Variants in BOC observed in about 807,000 individuals in gnomAD.
BOC encodes the protein BOC cell adhesion associated, oncogene regulated.
A neutral mutation model predicts 112.0 loss-of-function variants in BOC; 76 were observed. That is an observed-to-expected ratio of 0.68 (90% CI 0.56 to 0.82). The LOEUF is 0.82. Ranked by LOEUF, BOC falls within the 40% of genes least tolerant of loss-of-function variation. The pLI is 0.00. For missense variants in BOC, 1,309 were observed against 1,511.7 expected, an observed-to-expected ratio of 0.87 and a Z score of 2.22; for synonymous variants, 580 against 599.8, an observed-to-expected ratio of 0.97 and a Z score of 0.48.
At position 113,279,411 on chromosome 3, in the gene BOC, T is replaced by TC. The variant is rs758893355; in HGVS notation, c.1985dup (p.Ser663IlefsTer65). 12 of 1,614,016 alleles carry TC rather than the reference T, an allele frequency of 7.4e-6. No homozygotes were observed. The highest frequency in any genetic ancestry group is 1.0e-5 in the Non-Finnish European group (12 of 1,179,964). ...GACTGGATTCTGGCCACCAGCGCCATCCCCCCATCGCGGCTGTCCGTGGAG... is the reference window on the plus strand; with the variant it reads ...GACTGGATTCTGGCCACCAGCGCCATCCCCCCCATCGCGGCTGTCCGTGGAG... On this transcript the variant is annotated frameshift_variant, in exon 12 of 20. Coordinates refer to ENST00000682979, the MANE Select transcript of BOC (RefSeq NM_001378074.1). LOFTEE classifies it high-confidence loss of function.
intron 4 of BOC, among the ~76,000 whole-genome samples, chr3:113,262,620 C>T (rs2107559030): frequency 6.6e-6 from 1 of 152,340 alleles, no homozygotes; most frequent in South Asian, 2.1e-4. Flanking sequence ...TCACCAGGTG[C>T]CAGGCTTTCT....
rs372622221 is a variant in BOC, at chr3:113,279,859, A to T, written c.2059A>T (p.Met687Leu). The change falls in exon 13 of 20, where the codon ATG becomes TTG. Residue 687 changes from methionine to leucine, a missense_variant. Transcript: ENST00000682979. ...SYKFRVRALNMLGESEPSAPS... is the reference protein window; with the variant it reads ...SYKFRVRALNLLGESEPSAPS... ...CAAGTTTCGAGTCCGGGCTCTGAAC[A>T]TGCTGGGGGAGAGCGAGCCCAGCGC... 1.7e-5 allele frequency: 27 copies of T among 1,611,854 alleles called. No individual in the cohort carries two copies. In the East Asian group the frequency reaches 2.7e-4, roughly 16 times the overall value.
At chr3:113,244,540 C>T (rs1345000815) in intron 2 of BOC, among the ~76,000 whole-genome samples, 2 of 152,154 alleles carry the variant, frequency 1.3e-5, no homozygotes, top group Non-Finnish European at 2.9e-5. Context: ...CAACCACTAG[C>T]TCTGTATGGT....
rs201118269 is a variant in BOC, at chr3:113,225,285, AC to A, written c.-82+9012del. 8.0e-3 allele frequency among the ~76,000 whole-genome samples: 1,209 copies of A among 151,660 alleles called. 19 individuals are homozygous for A. Among genetic ancestry groups the A allele is most frequent in the African/African-American group, 0.028 (1,144 of 41,318 alleles). ...CAAGACCTTGTCAAAAAAAAAAACAACAAAAAAAAACCCCAACTTCTGTTTG... is the reference window on the plus strand; with the variant it reads ...CAAGACCTTGTCAAAAAAAAAAACAAAAAAAAAAACCCCAACTTCTGTTTG... On this transcript the variant is annotated intron_variant, in intron 2 of 19. Coordinates refer to ENST00000682979, the MANE Select transcript of BOC (RefSeq NM_001378074.1).
chr3:113,271,712 G>A (rs1376796834), intron 6 of BOC: 1 of 169,312 alleles, frequency 5.9e-6, no homozygotes, highest in East Asian at 1.6e-4. Flanking sequence ...GGCATATAAA[G>A]CGGAATCACA....
chr3:113,278,528 C>A lies in BOC; in HGVS notation c.1706-145C>A. On this transcript the variant is annotated intron_variant, in intron 10 of 19. Transcript: ENST00000682979. This position sits in a 1 kb window ranked among gnomAD's most constrained non-coding sequence, Gnocchi z 4.2. Reference sequence around the variant, plus strand: ...ACAACAGAACCAGTCTCGGCCGAGGCTGAGCCCACACCCTCAGTGCCCCGG... The same window carrying A: ...ACAACAGAACCAGTCTCGGCCGAGGATGAGCCCACACCCTCAGTGCCCCGG... 2 of 798,272 alleles carry A rather than the reference C, an allele frequency of 2.5e-6. No individual in the cohort carries two copies. The highest frequency in any genetic ancestry group is 1.7e-5 in the South Asian group (1 of 59,344). The allele number at this position is 798,272 out of a possible 1,614,324, so 49.4% of individuals were successfully genotyped here.
At chr3:113,223,524 T>C (rs75978309) in intron 2 of BOC, among the ~76,000 whole-genome samples, 10,489 of 152,276 alleles carry the variant, frequency 0.069, 390 homozygotes, top group East Asian at 0.097. Flanking sequence ...TGACAAAATG[T>C]GTGATGACAT....
chr3:113,244,662 G>T (rs1320832194), intron 2 of BOC, among the ~76,000 whole-genome samples: 1 of 152,202 alleles, frequency 6.6e-6, no homozygotes, highest in Non-Finnish European at 1.5e-5. Context: ...GCTTTAGACA[G>T]CACAAATATA....
At position 113,273,071 on chromosome 3, in the gene BOC, C is replaced by G. The variant is rs1380864431; in HGVS notation, c.964C>G (p.Pro322Ala). Residue 322 changes from proline to alanine, a missense_variant and splice_region_variant, in exon 8 of 20, where the codon CCC becomes GCC. By Grantham distance (27) the Pro-to-Ala change is conservative (BLOSUM62 -1). Coordinates refer to ENST00000682979, the MANE Select transcript of BOC (RefSeq NM_001378074.1). ...ACCCTGCTCTGGTTTCCTGGCAGAA[C>G]CCCCTGAGGTCACCATGGAGCTATC... is the stretch of plus-strand genomic sequence containing the variant. Reference protein sequence around the residue: ...VILYNVQVFEPPEVTMELSQL... With the variant: ...VILYNVQVFEAPEVTMELSQL... The G allele has an allele frequency of 6.3e-7, 1 of 1,592,994 alleles. No individual in the cohort carries two copies. Among genetic ancestry groups the G allele is most frequent in the South Asian group, 1.1e-5 (1 of 90,320 alleles).
At position 113,211,723 on chromosome 3, in the gene BOC, C is replaced by T; in HGVS notation, c.-463C>T. 6.6e-6 allele frequency: 1 copy of T among 151,950 alleles called. No homozygotes were observed. The highest frequency in any genetic ancestry group is 1.9e-4 in the East Asian group (1 of 5,150). 9.4% of individuals were successfully genotyped at this position (151,950 alleles called of 1,614,324 possible). ...CCGCGCGCGCGCACAGACACACACA[C>T]AGAGACACACAAACACACACAGAAA... On this transcript the variant is annotated 5_prime_UTR_variant, in exon 1 of 20. Coordinates refer to ENST00000682979, the MANE Select transcript of BOC (RefSeq NM_001378074.1).
Position 113,286,951 on chromosome 3 carries a change from T to C in BOC, c.*89T>C. The C allele has an allele frequency of 1.6e-6, 2 of 1,246,066 alleles. No individual in the cohort carries two copies. The highest frequency in any genetic ancestry group is 2.2e-6 in the Non-Finnish European group (2 of 902,758). The allele number at this position is 1,246,066 out of a possible 1,614,324, so 77.2% of individuals were successfully genotyped here. On this transcript the variant is annotated 3_prime_UTR_variant, in exon 20 of 20. Coordinates refer to ENST00000682979, the MANE Select transcript of BOC (RefSeq NM_001378074.1). ...AAGAGACAGAGAAAATTGGTATTTA[T>C]TTTTCTATTATAGCCATATTTATAT...
intron 4 of BOC, among the ~76,000 whole-genome samples, chr3:113,258,494 G>C (rs546148291): frequency 2.0e-5 from 3 of 152,152 alleles, no homozygotes; most frequent in Non-Finnish European, 4.4e-5. Context: ...TTCCGCCCCC[G>C]TCTGGTTCAG....
chr3:113,239,162 ATT>A (rs978692451), intron 2 of BOC, among the ~76,000 whole-genome samples: 1 of 152,224 alleles, frequency 6.6e-6, no homozygotes, highest in African/African-American at 2.4e-5. Context: ...GAAATTATAA[ATT>A]TTGGATATAT....
intron 16 of BOC, among the ~76,000 whole-genome samples, chr3:113,284,118 C>T (rs1576514079): frequency 6.6e-6 from 1 of 152,138 alleles, no homozygotes; most frequent in South Asian, 2.1e-4. Context: ...ATCTCCCCAC[C>T]CTTCTCCCTG....
At chr3:113,252,850 G>A (rs1020537871) in intron 4 of BOC, among the ~76,000 whole-genome samples, 2 of 152,164 alleles carry the variant, frequency 1.3e-5, no homozygotes, top group African/African-American at 2.4e-5. Context: ...AGGGAGGGAG[G>A]CAGGCCGTGG....
intron 16 of BOC, 143 bp downstream of exon 16, chr3:113,283,775 C>A: frequency 1.4e-6 from 1 of 740,192 alleles, no homozygotes; most frequent in Non-Finnish European, 2.2e-6. Context: ...CACCCAACGA[C>A]TGGGCCCCTC....
intron 4 of BOC, among the ~76,000 whole-genome samples, chr3:113,256,769 G>GTA (rs926012816): frequency 1.9e-3 from 284 of 151,190 alleles, no homozygotes; most frequent in African/African-American, 6.1e-3. Flanking sequence ...GTGTGTGTGT[G>GTA]TATATATATA....
intron 2 of BOC, among the ~76,000 whole-genome samples, chr3:113,236,264 G>GGGTATATATATATATATA (rs1943449745): frequency 7.9e-5 from 2 of 25,464 alleles, no homozygotes; most frequent in African/African-American, 1.3e-4. Context: ...GTGTGTGTGT[G>GGGTATATATATATATATA]TGTATATATA....
intron 3 of BOC, 63 bp from the exon 4 acceptor site, chr3:113,250,492 A>G (rs982831418): frequency 5.9e-6 from 9 of 1,536,532 alleles, no homozygotes; most frequent in Admixed American, 2.0e-5. Context: ...CAGTGCTTCT[A>G]AAAACGTGAT....
Sources: allele counts gnomAD v4.1 joint callset (sites outside exome capture counted in the v4.1 genomes callset), GRCh38; gene constraint gnomAD v4.1.1; non-coding constraint Gnocchi (gnomAD v3.1); transcripts MANE v1.5; gene names NCBI Gene and HGNC (gene_info 2026-07-23, HGNC 2026-07-21).